ZNF277: variants seen among roughly 807,000 people sequenced by gnomAD.
ZNF277 encodes the protein nuclear receptor-interacting factor 4.
Under a neutral mutation model 60.7 loss-of-function variants are expected in ZNF277, and 55 were observed. That is an observed-to-expected ratio of 0.91 (90% CI 0.73 to 1.13). The LOEUF (loss-of-function observed/expected upper bound fraction) is 1.13, where lower values mean the gene tolerates loss of function less well. Ranked by LOEUF, ZNF277 falls within the 50% of genes most tolerant of loss-of-function variation. The probability of loss-of-function intolerance (pLI) is 0.00; values close to 1 mark genes in which losing one functional copy is unlikely to be tolerated. For synonymous variants in ZNF277, 178 were observed against 179.3 expected (o/e 0.99, Z 0.06); for missense variants, 510 against 523.0 (o/e 0.98, Z 0.24).
chr7:112,298,414 A>C (rs1792400964), intron 4 of ZNF277, among the ~76,000 whole-genome samples: 2 of 152,212 alleles, frequency 1.3e-5, no homozygotes, highest in African/African-American at 2.4e-5. Flanking sequence ...TTCAAGGTGT[A>C]TTCAGGAAAA....
chr7:112,332,222 CT>C (rs912657365), intron 7 of ZNF277, among the ~76,000 whole-genome samples: 2 of 151,942 alleles, frequency 1.3e-5, no homozygotes, highest in African/African-American at 4.8e-5. Flanking sequence ...TGATAGAAGT[CT>C]TTTTTTTAGC....
chr7:112,272,450 G>C (rs1165420244), intron 1 of ZNF277, among the ~76,000 whole-genome samples: 1 of 152,114 alleles, frequency 6.6e-6, no homozygotes, highest in Non-Finnish European at 1.5e-5. Context: ...TGGGATTGCT[G>C]GATCACATAG....
intron 1 of ZNF277, among the ~76,000 whole-genome samples, chr7:112,231,269 T>A (rs13238302): frequency 6.6e-6 from 1 of 152,044 alleles, no homozygotes; most frequent in South Asian, 2.1e-4. Flanking sequence ...AAAATTTTTT[T>A]AAAAAGAAAC....
intron 1 of ZNF277, among the ~76,000 whole-genome samples, chr7:112,226,334 G>A (rs562405527): frequency 7.0e-4 from 107 of 152,298 alleles, no homozygotes; most frequent in African/African-American, 2.4e-3. Flanking sequence ...TCAGGGAGAT[G>A]TAGCATCCTT....
At chr7:112,214,621 G>C (rs1821834927) in intron 1 of ZNF277, among the ~76,000 whole-genome samples, 1 of 152,182 alleles carries the variant, frequency 6.6e-6, no homozygotes, top group South Asian at 2.1e-4. Flanking sequence ...GGGGTTGAAT[G>C]ATATCTTTGG....
At chr7:112,297,299 G>A (rs1376476770) in intron 4 of ZNF277, among the ~76,000 whole-genome samples, 4 of 152,028 alleles carry the variant, frequency 2.6e-5, no homozygotes, top group South Asian at 2.1e-4. Flanking sequence ...AAGTACATGG[G>A]TTCCCATTAT....
At chr7:112,258,908 T>C (rs941071525) in intron 1 of ZNF277, among the ~76,000 whole-genome samples, 18 of 152,244 alleles carry the variant, frequency 1.2e-4, no homozygotes, top group African/African-American at 4.3e-4. Flanking sequence ...AAAACATATC[T>C]TCATAAATGT....
rs140972885 is a variant in ZNF277, at chr7:112,334,863, T to A, written c.802-1241T>A. Among the ~76,000 whole-genome samples the A allele has an allele frequency of 6.3e-4, 96 of 152,218 alleles. No homozygotes were observed. The East Asian group carries it at 0.017, about 28-fold the overall frequency. On this transcript the variant is annotated intron_variant, in intron 7 of 11. Coordinates refer to ENST00000361822, the MANE Select transcript of ZNF277 (RefSeq NM_021994.3). Reference sequence around the variant, plus strand: ...TCATTACCAAACTTTCTAACAAGCATCTTGTTGGCAGTGTTGAGGCCATTT... The same window carrying A: ...TCATTACCAAACTTTCTAACAAGCAACTTGTTGGCAGTGTTGAGGCCATTT...
rs560284557 is a variant in ZNF277 at position 112,342,143 on chromosome 7, G to A, written c.1185-418G>A. Among the ~76,000 whole-genome samples the A allele has an allele frequency of 3.9e-5, 6 of 152,276 alleles. No individual in the cohort carries two copies. The East Asian group carries it at 9.6e-4, about 24-fold the overall frequency. ...TTTGTTAACTTATAAGGAAGAACTA[G>A]GACCTTTGAGTAGAAATGAGAAAGA... On this transcript the variant is annotated intron_variant, in intron 11 of 11. Transcript: ENST00000361822.
At chr7:112,217,656 C>T (rs1173306329) in intron 1 of ZNF277, among the ~76,000 whole-genome samples, 1 of 152,108 alleles carries the variant, frequency 6.6e-6, no homozygotes, top group Non-Finnish European at 1.5e-5. Context: ...AGCCCTTTCC[C>T]AAAACAAACC....
At chr7:112,322,315 A>T (rs577933728) in intron 5 of ZNF277, among the ~76,000 whole-genome samples, 1 of 151,978 alleles carries the variant, frequency 6.6e-6, no homozygotes, top group South Asian at 2.1e-4. Flanking sequence ...TATTATACAT[A>T]TGTTGGTAAA....
At chr7:112,266,150 CT>C (rs879549010) in intron 1 of ZNF277, among the ~76,000 whole-genome samples, 90 of 146,712 alleles carry the variant, frequency 6.1e-4, no homozygotes, top group Non-Finnish European at 4.8e-4. Context: ...CTTTTTAATT[CT>C]TTTTTTTTTT....
At chr7:112,232,028 AAAAT>A (rs1175526356) in intron 1 of ZNF277, among the ~76,000 whole-genome samples, 2 of 132,938 alleles carry the variant, frequency 1.5e-5, no homozygotes, top group African/African-American at 5.8e-5. Flanking sequence ...AACTGCCCCT[AAAAT>A]AAATAAATAC....
intron 11 of ZNF277, 143 bp downstream of exon 11, chr7:112,341,189 GT>G: frequency 1.1e-5 from 7 of 651,064 alleles, no homozygotes; most frequent in Non-Finnish European, 1.6e-5. Flanking sequence ...GGGGAAAAAT[GT>G]AAAAATATTC....
At chr7:112,285,502 T>C (rs1349428003) in intron 1 of ZNF277, among the ~76,000 whole-genome samples, 1 of 149,372 alleles carries the variant, frequency 6.7e-6, no homozygotes, top group South Asian at 2.1e-4. Flanking sequence ...TGGCGCCATC[T>C]CAGCTTACTG....
intron 7 of ZNF277, 29 bp downstream of exon 7, chr7:112,330,245 T>A: frequency 6.2e-7 from 1 of 1,607,864 alleles, no homozygotes; most frequent in Non-Finnish European, 8.5e-7. Flanking sequence ...AACTTAAAAT[T>A]TGATTGCAGT....
chr7:112,245,186 C>A (rs573310797), intron 1 of ZNF277, among the ~76,000 whole-genome samples: 1 of 152,110 alleles, frequency 6.6e-6, no homozygotes, highest in Non-Finnish European at 1.5e-5. Context: ...GGCTCATGGA[C>A]CTTCAAGTCA....
At chr7:112,268,730 T>C (rs1239329910) in intron 1 of ZNF277, among the ~76,000 whole-genome samples, 1 of 152,178 alleles carries the variant, frequency 6.6e-6, no homozygotes, top group Non-Finnish European at 1.5e-5. Context: ...ATGGTGTATT[T>C]TAATGCATAT....
chr7:112,284,235 T>C (rs1291081905), intron 1 of ZNF277, among the ~76,000 whole-genome samples: 1 of 152,220 alleles, frequency 6.6e-6, no homozygotes, highest in Non-Finnish European at 1.5e-5. Flanking sequence ...AGTTGTGCTG[T>C]TGATTATTAT....
Sources: allele counts gnomAD v4.1 joint callset (sites outside exome capture counted in the v4.1 genomes callset), GRCh38; gene constraint gnomAD v4.1.1; transcripts MANE v1.5; gene names NCBI Gene and HGNC (gene_info 2026-07-23, HGNC 2026-07-21).